Variants in DTNB observed in about 807,000 individuals in gnomAD.
DTNB encodes the protein DTN-B.
DTNB carries 63 observed loss-of-function variants against 90.7 expected under a neutral mutation model. The ratio of observed to expected loss-of-function variants is 0.69; its 90% CI spans 0.57 to 0.86. The LOEUF is 0.86. Ranked by LOEUF, DTNB falls within the 40% of genes least tolerant of loss-of-function variation. The pLI, the probability that DTNB is intolerant of heterozygous loss-of-function variation, is 0.00. For synonymous variants in DTNB, 277 were observed against 286.7 expected, an observed-to-expected ratio of 0.97 and a Z score of 0.34; for missense variants, 744 against 807.1, an observed-to-expected ratio of 0.92 and a Z score of 0.95.
intron 12 of DTNB, 47 bp from the exon 13 acceptor site, chr2:25,434,042 T>G: frequency 6.5e-7 from 1 of 1,535,178 alleles, no homozygotes; most frequent in Non-Finnish European, 8.9e-7. Flanking sequence ...CTGATCCAAA[T>G]ATACCCAGAG....
At chr2:25,460,589 A>C (rs1447191404) in intron 10 of DTNB, among the ~76,000 whole-genome samples, 1 of 152,098 alleles carries the variant, frequency 6.6e-6, no homozygotes, top group East Asian at 1.9e-4. Flanking sequence ...TGATATCCGG[A>C]GGCCACGTGC....
chr2:25,506,596 C>A, intron 9 of DTNB, among the ~76,000 whole-genome samples: 1 of 152,140 alleles, frequency 6.6e-6, no homozygotes, highest in African/African-American at 2.4e-5. Flanking sequence ...ATTCAGCTCC[C>A]AGTTATAAGT....
At chr2:25,495,389 A>G (rs1228710165) in intron 9 of DTNB, among the ~76,000 whole-genome samples, 1 of 152,042 alleles carries the variant, frequency 6.6e-6, no homozygotes, top group Non-Finnish European at 1.5e-5. Flanking sequence ...TTTAGTTACT[A>G]CTACTCTTCA....
intron 10 of DTNB, among the ~76,000 whole-genome samples, chr2:25,473,716 T>C (rs1294403202): frequency 6.6e-6 from 1 of 152,240 alleles, no homozygotes; most frequent in African/African-American, 2.4e-5. Context: ...CTTGTTCTTC[T>C]GGCACAAATC....
chr2:25,412,610 T>C (rs760256632), intron 16 of DTNB, among the ~76,000 whole-genome samples: 6 of 152,196 alleles, frequency 3.9e-5, no homozygotes, highest in Admixed American at 6.5e-5. Context: ...TTTTAAGTCT[T>C]TAAGCCAGAT....
chr2:25,531,761 T>G (rs1044745554), intron 8 of DTNB, among the ~76,000 whole-genome samples, 164 bp from the exon 9 acceptor site: 2 of 152,218 alleles, frequency 1.3e-5, no homozygotes, highest in African/African-American at 2.4e-5. Context: ...GAACCTCCAG[T>G]TGTTCCAAGG....
intron 10 of DTNB, among the ~76,000 whole-genome samples, chr2:25,466,131 G>T (rs1031406506): frequency 2.0e-5 from 3 of 152,140 alleles, no homozygotes; most frequent in Non-Finnish European, 2.9e-5. Context: ...TCAGGAGTTC[G>T]AGATCAGCCT....
rs751578087 is a variant in DTNB at position 25,424,671 on chromosome 2, ATT to A, written c.1554+2862_1554+2863del. Among the ~76,000 whole-genome samples, 3 of 141,794 alleles carry A rather than the reference ATT, an allele frequency of 2.1e-5. No homozygotes were observed. The highest frequency in any genetic ancestry group is 5.2e-5 in the African/African-American group (2 of 38,786). The allele number at this position is 141,794 out of a possible 152,430, so 93.0% of individuals were successfully genotyped here. On this transcript the variant is annotated intron_variant, in intron 15 of 20. Coordinates refer to ENST00000406818, the MANE Select transcript of DTNB (RefSeq NM_021907.5). This position sits in a 1 kb window ranked among gnomAD's most constrained non-coding sequence, Gnocchi z 4.1. Reference sequence around the variant, plus strand: ...CAGGGAAGAGGTGAGTGGATCCCCTATTTTTTTTTTTTTTGAGACTGAGTCTT... The same window carrying A: ...CAGGGAAGAGGTGAGTGGATCCCCTATTTTTTTTTTTTGAGACTGAGTCTT...
At chr2:25,644,499 T>C (rs1573951855) in intron 2 of DTNB, among the ~76,000 whole-genome samples, 1 of 152,232 alleles carries the variant, frequency 6.6e-6, no homozygotes, top group East Asian at 1.9e-4. Context: ...TTCATGCCTG[T>C]AATCCCAGCA....
At chr2:25,433,250 GA>G (rs1302542577) in intron 13 of DTNB, among the ~76,000 whole-genome samples, 1 of 152,212 alleles carries the variant, frequency 6.6e-6, no homozygotes, top group African/African-American at 2.4e-5. Context: ...AAATCTCCAA[GA>G]AAGGAAAATT....
intron 9 of DTNB, among the ~76,000 whole-genome samples, chr2:25,496,673 T>C (rs1347929439): frequency 6.6e-6 from 1 of 151,926 alleles, no homozygotes; most frequent in Non-Finnish European, 1.5e-5. Flanking sequence ...TAAAGCCCTA[T>C]CTCTACTAAA....
In DTNB at chr2:25,440,164, G is replaced by T. The variant is rs182430201; in HGVS notation, c.1258-6169C>A. Reference sequence around the variant, plus strand: ...ACTTAGTGAGCATAGCAGGTATACTGGAAGGGTCTCGGCTTCCTGTGGAAA... The same window carrying T: ...ACTTAGTGAGCATAGCAGGTATACTTGAAGGGTCTCGGCTTCCTGTGGAAA... On this transcript the variant is annotated intron_variant, in intron 12 of 20. Coordinates refer to ENST00000406818, the MANE Select transcript of DTNB (RefSeq NM_021907.5). Among the ~76,000 whole-genome samples, 3 of 152,342 alleles carry T rather than the reference G, an allele frequency of 2.0e-5. No homozygotes were observed. In the East Asian group the frequency reaches 5.8e-4, roughly 29 times the overall value.
At position 25,383,905 on chromosome 2, in the gene DTNB, C is replaced by T. The variant is rs748243276; in HGVS notation, c.1826-16G>A. 3.1e-6 allele frequency: 5 copies of T among 1,614,034 alleles called. No individual in the cohort carries two copies. Among genetic ancestry groups the T allele is most frequent in the Admixed American group, 3.3e-5 (2 of 60,026 alleles). ...CCTTCCTCTGCTGTGAAAACAAGTC[C>T]AAGGAGGCCAGTGACCCTTCGGCAC... is the stretch of plus-strand genomic sequence containing the variant. On this transcript the variant is annotated splice_polypyrimidine_tract_variant and intron_variant, in intron 18 of 20. Transcript: ENST00000406818.
chr2:25,634,352 CCCGG>C, intron 3 of DTNB, among the ~76,000 whole-genome samples: 1 of 135,178 alleles, frequency 7.4e-6, no homozygotes, highest in East Asian at 2.4e-4. Context: ...CAGCCCCCCG[CCCGG>C]CCAGCCGCCC....
At chr2:25,483,076 G>A (rs944198912) in intron 9 of DTNB, among the ~76,000 whole-genome samples, 1 of 151,962 alleles carries the variant, frequency 6.6e-6, no homozygotes, top group South Asian at 2.1e-4. Context: ...CCTTGGGGAG[G>A]GGGGTAGAAA....
At position 25,580,777 on chromosome 2, in the gene DTNB, G is replaced by C; in HGVS notation, c.653C>G (p.Pro218Arg). The change falls in exon 7 of 21, where the codon CCT (proline) becomes CGT (arginine). Residue 218 changes from proline (P) to arginine (R), a missense_variant. Physicochemically the swap from Pro to Arg is moderately radical, Grantham distance 103 (BLOSUM62 -2). Transcript: ENST00000406818. ...AGGTAGCCAGACAAGGCACTGGGGA[G>C]GAGGGTCAGCCATCATTGTGTCTAA... ...MFLDTMMADPPPQCLVWLPLM... is the reference protein window; with the variant it reads ...MFLDTMMADPRPQCLVWLPLM... The C allele has an allele frequency of 6.2e-7, 1 of 1,613,560 alleles. No homozygotes were observed. The highest frequency in any genetic ancestry group is 8.5e-7 in the Non-Finnish European group (1 of 1,179,604).
intron 9 of DTNB, among the ~76,000 whole-genome samples, chr2:25,502,458 C>T (rs1383727661): frequency 6.6e-6 from 1 of 152,112 alleles, no homozygotes; most frequent in African/African-American, 2.4e-5. Flanking sequence ...TGGGGCTTGG[C>T]ACAGTGGCTC....
chr2:25,479,278 A>G (rs1220708233), intron 10 of DTNB, among the ~76,000 whole-genome samples: 1 of 152,238 alleles, frequency 6.6e-6, no homozygotes, highest in Non-Finnish European at 1.5e-5. Context: ...TTGTCTGAAT[A>G]TAAGTTGACT....
At chr2:25,462,478 T>G (rs2061116379) in intron 10 of DTNB, among the ~76,000 whole-genome samples, 1 of 152,186 alleles carries the variant, frequency 6.6e-6, no homozygotes, top group African/African-American at 2.4e-5. Context: ...GGGCTTTGGT[T>G]TTTAATCCAG....
Sources: gnomAD v4.1 joint callset for allele counts (sites outside exome capture counted in the v4.1 genomes callset) on GRCh38, gnomAD v4.1.1 for gene constraint, Gnocchi (gnomAD v3.1) non-coding constraint, MANE v1.5 for transcripts, NCBI Gene and HGNC (gene_info 2026-07-23, HGNC 2026-07-21) for gene names.